Variants in RNF157 observed in about 807,000 individuals in gnomAD.
RNF157 encodes the protein E3 ubiquitin ligase RNF157.
Under a neutral mutation model 88.3 loss-of-function variants are expected in RNF157, and 55 were observed. That is an observed-to-expected ratio of 0.62 (90% CI 0.50 to 0.78). The LOEUF is 0.78. RNF157 is among the 30% of genes least tolerant of loss of function. RNF157 has a pLI of 0.00. For missense variants in RNF157, 788 were observed against 860.8 expected (o/e 0.92, Z 1.06); for synonymous variants, 334 against 341.2 (o/e 0.98, Z 0.23).
intron 1 of RNF157, among the ~76,000 whole-genome samples, chr17:76,223,930 T>C (rs901541862): frequency 1.3e-5 from 2 of 152,184 alleles, no homozygotes; most frequent in Non-Finnish European, 2.9e-5. Context: ...GTAAGTATAA[T>C]AACACAGGGC....
In RNF157 at chr17:76,193,301, T is replaced by G. The variant is rs147003862; in HGVS notation, c.207+19063A>C. Among the ~76,000 whole-genome samples the G allele has an allele frequency of 6.2e-3, 951 of 152,356 alleles. 2 individuals are homozygous for G. Among genetic ancestry groups the G allele is most frequent in the Non-Finnish European group, 9.6e-3 (652 of 68,034 alleles). On this transcript the variant is annotated intron_variant, in intron 2 of 18. Coordinates refer to ENST00000269391, the MANE Select transcript of RNF157 (RefSeq NM_052916.3). ...ATATGTTATCATTAGTGATCCTTAG[T>G]GATTAGCATTAGTGATAACATCTTC...
intron 3 of RNF157, among the ~76,000 whole-genome samples, chr17:76,170,984 C>G (rs2069003560): frequency 6.6e-6 from 1 of 152,048 alleles, no homozygotes. Flanking sequence ...CCTCTGTCTC[C>G]CGGGTTCACA....
rs1048701395 is a variant in RNF157 at position 76,173,829 on chromosome 17, A to G, written c.208-39T>C. 4.6e-6 allele frequency: 7 copies of G among 1,533,840 alleles called. No individual in the cohort carries two copies. The African/African-American group carries it at 9.6e-5, about 21-fold the overall frequency. The stretch of plus-strand genomic sequence containing the variant: ...AAAGCAGGAGAAGGTGGTGTGTTTA[A>G]AAAGACCCACAGCTGTCCCTCGCTT... On this transcript the variant is annotated intron_variant, in intron 2 of 18. Coordinates refer to ENST00000269391, the MANE Select transcript of RNF157 (RefSeq NM_052916.3).
Position 76,240,330 on chromosome 17 carries a change from G to GGC in RNF157, c.-91_-90insGC. The GGC allele has an allele frequency of 3.7e-6, 2 of 533,808 alleles. No individual in the cohort carries two copies. The highest frequency in any genetic ancestry group is 4.8e-6 in the Non-Finnish European group (2 of 420,256). 33.1% of individuals were successfully genotyped at this position (533,808 alleles called of 1,614,324 possible). ...GCCGCCCGCCCCGCGCCCGGTGCGG[G>GGC]GGCCGACTGCCCGCCGCGGCCGGCT... On this transcript the variant is annotated 5_prime_UTR_variant, in exon 1 of 19. The change abolishes the stop of an existing upstream ORF in the 5' untranslated region. Transcript: ENST00000269391. The surrounding 1 kb of genome is among the most constrained non-coding windows in gnomAD (Gnocchi z 4.4).
intron 3 of RNF157, among the ~76,000 whole-genome samples, chr17:76,168,163 G>A (rs937716748): frequency 1.3e-5 from 2 of 152,006 alleles, no homozygotes; most frequent in African/African-American, 4.8e-5. Flanking sequence ...ATTTACCCAC[G>A]TTTCTAAAAA....
At chr17:76,235,489 C>T (rs75465497) in intron 1 of RNF157, among the ~76,000 whole-genome samples, 5,877 of 152,224 alleles carry the variant, frequency 0.039, 205 homozygotes, top group African/African-American at 0.089. Context: ...TGAGCCACTG[C>T]GCCCAGCCGT....
chr17:76,166,479 C>G lies in RNF157; in HGVS notation c.610G>C (p.Val204Leu). Residue 204 changes from valine to leucine, a missense_variant, in exon 6 of 19, where the codon GTG becomes CTG. Physicochemically the swap from Val to Leu is conservative, Grantham distance 32 (BLOSUM62 1). Coordinates refer to ENST00000269391, the MANE Select transcript of RNF157 (RefSeq NM_052916.3). Reference protein sequence around the residue: ...REVYPLVVHAVVDEGDEYFGH... With the variant: ...REVYPLVVHALVDEGDEYFGH... ...CCCCTACCGTCTCCTTCATCCACCA[C>G]GGCATGTACCACTAGAGGGTAAACT... The G allele has an allele frequency of 6.2e-7, 1 of 1,613,818 alleles. No homozygotes were observed. The highest frequency in any genetic ancestry group is 8.5e-7 in the Non-Finnish European group (1 of 1,179,876).
At chr17:76,210,584 C>T (rs542092732) in intron 2 of RNF157, among the ~76,000 whole-genome samples, 15 of 2,538 alleles carry the variant, frequency 5.9e-3, no homozygotes, top group East Asian at 0.17. Flanking sequence ...AGCCAGACTC[C>T]GTCCAAAAAA....
At chr17:76,236,952 A>G (rs958485157) in intron 1 of RNF157, among the ~76,000 whole-genome samples, 1 of 152,258 alleles carries the variant, frequency 6.6e-6, no homozygotes, top group Non-Finnish European at 1.5e-5. Context: ...AAGTGGTTAC[A>G]TGGGATGGGA....
intron 8 of RNF157, chr17:76,163,603 T>C (rs893730901): frequency 6.6e-6 from 1 of 152,290 alleles, no homozygotes; most frequent in Non-Finnish European, 1.5e-5. Flanking sequence ...AGGAGCACAC[T>C]CTTCTGCCTC....
chr17:76,179,395 A>G (rs942599159), intron 2 of RNF157, among the ~76,000 whole-genome samples: 9 of 151,786 alleles, frequency 5.9e-5, no homozygotes, highest in African/African-American at 1.9e-4. Context: ...CCATCCCAAA[A>G]AGGAAAAAAA....
At chr17:76,208,366 A>G (rs949373719) in intron 2 of RNF157, among the ~76,000 whole-genome samples, 5 of 152,216 alleles carry the variant, frequency 3.3e-5, no homozygotes, top group African/African-American at 1.2e-4. Flanking sequence ...CTGGAGCCAG[A>G]CTGTTAGGTT....
At chr17:76,209,390 C>T (rs1318814819) in intron 2 of RNF157, among the ~76,000 whole-genome samples, 2 of 152,336 alleles carry the variant, frequency 1.3e-5, no homozygotes, top group African/African-American at 4.8e-5. Context: ...TTACTTCAAG[C>T]TTGTCCAACC....
intron 1 of RNF157, among the ~76,000 whole-genome samples, chr17:76,238,498 C>A (rs1359113829): frequency 2.0e-5 from 3 of 152,174 alleles, no homozygotes; most frequent in Non-Finnish European, 1.5e-5. Flanking sequence ...TTTTTATTAT[C>A]ATCACCCAAG....
intron 2 of RNF157, among the ~76,000 whole-genome samples, chr17:76,178,871 A>C (rs910110757): frequency 6.6e-6 from 1 of 151,894 alleles, no homozygotes; most frequent in Admixed American, 6.6e-5. Context: ...AGCAGAGTTG[A>C]GGTTTGAACA....
intron 2 of RNF157, among the ~76,000 whole-genome samples, chr17:76,185,475 CT>C (rs71161271): frequency 6.6e-4 from 94 of 141,780 alleles, no homozygotes; most frequent in Non-Finnish European, 7.0e-4. Context: ...TTAGTCCTTT[CT>C]TTTTTTTTTT....
At position 76,168,115 on chromosome 17, in the gene RNF157, C is replaced by T. The variant is rs771444936; in HGVS notation, c.297-318G>A. Among the ~76,000 whole-genome samples, 136 of 152,220 alleles carry T rather than the reference C, an allele frequency of 8.9e-4. 2 individuals carry two copies. Among genetic ancestry groups the T allele is most frequent in the Non-Finnish European group, 3.5e-4 (24 of 68,034 alleles). On this transcript the variant is annotated intron_variant, in intron 3 of 18. Transcript: ENST00000269391. ...GCAGGCCTTACTTCTTCCCTTTCCTCGTCTTCAGAGGACACCCCTTTTAGT... is the reference window on the plus strand; with the variant it reads ...GCAGGCCTTACTTCTTCCCTTTCCTTGTCTTCAGAGGACACCCCTTTTAGT...
chr17:76,167,087 C>T lies in RNF157; in HGVS notation c.483G>A (p.Val161=). The T allele has an allele frequency of 1.2e-6, 2 of 1,613,426 alleles. No individual in the cohort carries two copies. Among genetic ancestry groups the T allele is most frequent in the Non-Finnish European group, 1.7e-6 (2 of 1,179,876 alleles). ...GCTGACACACTCCTCGCTTGTACTG[C>T]ACAGTCTCCGACTGGAGGCTGTTGT... ...PKDNSLQSET[V]QYKRGVCQQF... Residue 161 remains valine, a synonymous_variant, in exon 5 of 19, where the codon GTG becomes GTA. Transcript: ENST00000269391.
intron 2 of RNF157, among the ~76,000 whole-genome samples, chr17:76,188,826 C>T (rs1026779606): frequency 2.0e-5 from 3 of 152,160 alleles, no homozygotes; most frequent in African/African-American, 7.2e-5. Context: ...GTGGATAAAC[C>T]TGTACCACCC....
Sources: allele counts gnomAD v4.1 joint callset (sites outside exome capture counted in the v4.1 genomes callset), GRCh38; gene constraint gnomAD v4.1.1; non-coding constraint Gnocchi (gnomAD v3.1); transcripts MANE v1.5; gene names NCBI Gene and HGNC (gene_info 2026-07-23, HGNC 2026-07-21).